The following BRD2 variants were observed in gnomAD, a reference collection of about 807,000 sequenced individuals.
The protein encoded by BRD2 is bromodomain-containing protein 2.
In BRD2, 15 loss-of-function variants were observed where a neutral mutation model predicts 79.1. The ratio of observed to expected loss-of-function variants is 0.19; its 90% CI spans 0.13 to 0.29. BRD2 has a LOEUF of 0.29. Ranked by LOEUF, BRD2 falls within the 10% of genes least tolerant of loss-of-function variation. BRD2 has a pLI of 1.00. For missense variants in BRD2, 1,053 were observed against 991.3 expected (o/e 1.06, Z -0.84); for synonymous variants, 488 against 358.6 (o/e 1.36, Z -4.08).
rs143451360 is a variant in BRD2, at chr6:32,974,547, T to C, written c.115T>C (p.Leu39=). The part of the protein sequence containing the change: ...PGKRIRKPSL[L]YEGFESPTMA... ...GAAGAGGATTCGAAAACCCTCTCTC[T>C]TGTATGAGGGCTTTGAGAGCCCCAC... Residue 39 remains leucine, a synonymous_variant, in exon 3 of 13, where the codon TTG becomes CTG. Transcript: ENST00000374825. 6.2e-7 allele frequency: 1 copy of C among 1,614,232 alleles called. No homozygotes were observed. The highest frequency in any genetic ancestry group is 1.3e-5 in the African/African-American group (1 of 75,052).
In BRD2 at chr6:32,980,158, A is replaced by T. The variant is rs561229524; in HGVS notation, c.2146+26A>T. The T allele has an allele frequency of 5.0e-6, 8 of 1,598,998 alleles. No homozygotes were observed. In the South Asian group the frequency reaches 7.8e-5, roughly 16 times the overall value. On this transcript the variant is annotated intron_variant, in intron 11 of 12. Transcript: ENST00000374825. ...GTACGTATGAAATGAGGTTCATCTCATGGTTCTGAGGACAGTTGAGGAAAG... is the reference window on the plus strand; with the variant it reads ...GTACGTATGAAATGAGGTTCATCTCTTGGTTCTGAGGACAGTTGAGGAAAG...
Position 32,976,949 on chromosome 6 carries a change from T to C in BRD2, c.1200+13T>C. ...CAGCACTGTCAAGGTACCCACTGCA[T>C]GGGGCAGATGGGATGCTCAGGCAGT... On this transcript the variant is annotated intron_variant, in intron 7 of 12. Coordinates refer to ENST00000374825, the MANE Select transcript of BRD2 (RefSeq NM_005104.4). 5 of 1,591,380 alleles carry C rather than the reference T, an allele frequency of 3.1e-6. No homozygotes were observed. The highest frequency in any genetic ancestry group is 4.3e-6 in the Non-Finnish European group (5 of 1,167,144).
At position 32,972,278 on chromosome 6, in the gene BRD2, G is replaced by C; in HGVS notation, c.-621G>C. 1 of 425,040 alleles carries C rather than the reference G, an allele frequency of 2.4e-6. No homozygotes were observed. 26.3% of individuals were successfully genotyped at this position (425,040 alleles called of 1,614,324 possible). A position where few individuals can be genotyped will look rare whatever the true frequency, so the allele number is the denominator to read the frequency against. ...CCGATACAGAGCCTTCGAGTCGTCCGGGGCCGCCATTACAATCCACCTCCA... is the reference window on the plus strand; with the variant it reads ...CCGATACAGAGCCTTCGAGTCGTCCCGGGCCGCCATTACAATCCACCTCCA... On this transcript the variant is annotated 5_prime_UTR_variant, in exon 2 of 13. Coordinates refer to ENST00000374825, the MANE Select transcript of BRD2 (RefSeq NM_005104.4).
intron 9 of BRD2, 56 bp from the exon 10 acceptor site, chr6:32,978,069 TC>T (rs1554146506): frequency 6.7e-7 from 1 of 1,493,042 alleles, no homozygotes; most frequent in Non-Finnish European, 9.1e-7. Context: ...CCTCATTTTT[TC>T]TTCTTGTTAT....
At chr6:32,974,404 A>G (rs1778438156) in intron 2 of BRD2, 58 bp from the exon 3 acceptor site, 3 of 1,532,548 alleles carry the variant, frequency 2.0e-6, no homozygotes, top group Non-Finnish European at 1.8e-6. Context: ...ACTATTGTGC[A>G]GATGCACTTT....
chr6:32,974,782 G>A lies in BRD2; in HGVS notation c.333+17G>A. 1 of 1,609,196 alleles carries A rather than the reference G, an allele frequency of 6.2e-7. No homozygotes were observed. Among genetic ancestry groups the A allele is most frequent in the Non-Finnish European group, 8.5e-7 (1 of 1,176,802 alleles). Reference sequence around the variant, plus strand: ...GGTCTACCGGTGAGTAGAGACATTGGAGCCGGGGAGGTGTGGGATGAGCAA... The same window carrying A: ...GGTCTACCGGTGAGTAGAGACATTGAAGCCGGGGAGGTGTGGGATGAGCAA... On this transcript the variant is annotated intron_variant, in intron 3 of 12. Transcript: ENST00000374825.
chr6:32,972,837 G>T lies in BRD2; in HGVS notation c.-62G>T, dbSNP rs1778199599. 1 of 1,612,770 alleles carries T rather than the reference G, an allele frequency of 6.2e-7. No homozygotes were observed. The highest frequency in any genetic ancestry group is 1.1e-5 in the South Asian group (1 of 91,080). On this transcript the variant is annotated 5_prime_UTR_variant, in exon 2 of 13. The change creates a new upstream start codon in the 5' untranslated region. Coordinates refer to ENST00000374825, the MANE Select transcript of BRD2 (RefSeq NM_005104.4). ...CGGGTTATGCTGGACCGGGCGGTGA[G>T]GGGAACCGAGGCCACCCGGACTTTC...
intron 8 of BRD2, 21 bp from the exon 9 acceptor site, chr6:32,977,736 T>A (rs1236145112): frequency 1.2e-6 from 2 of 1,612,606 alleles, no homozygotes; most frequent in South Asian, 2.2e-5. Flanking sequence ...AGCATAGTTT[T>A]GAGTTTGTGC....
Position 32,976,384 on chromosome 6 carries a change from C to T in BRD2, c.745C>T (p.Pro249Ser), listed in dbSNP as rs749619986. 20 of 1,612,908 alleles carry T rather than the reference C, an allele frequency of 1.2e-5. No homozygotes were observed. Among genetic ancestry groups the T allele is most frequent in the Non-Finnish European group, 1.6e-5 (19 of 1,180,038 alleles). Residue 249 changes from proline (P) to serine (S), a missense_variant, in exon 6 of 13, where the codon CCA becomes TCA. Around this residue, in one of 5 missense-constraint regions of BRD2, gnomAD observed 413 missense variants for 335.1 expected, o/e 1.23. Transcript: ENST00000374825. Reference sequence around the variant, plus strand: ...TCCCCACCCATCAGTCATTTCCTCTCCACTTCTCAAGTCCTTGCACTCTGC... The same window carrying T: ...TCCCCACCCATCAGTCATTTCCTCTTCACTTCTCAAGTCCTTGCACTCTGC... ...NIPHPSVISS[P>S]LLKSLHSAGP...
At chr6:32,977,632 CT>C in intron 8 of BRD2, 62 bp downstream of exon 8, 1 of 1,604,390 alleles carries the variant, frequency 6.2e-7, no homozygotes, top group Admixed American at 1.7e-5. Flanking sequence ...GTCATGTGTG[CT>C]GCATAGCCTC....
chr6:32,977,022 A>G, intron 7 of BRD2, 86 bp downstream of exon 7: 2 of 1,484,400 alleles, frequency 1.3e-6, no homozygotes, highest in Non-Finnish European at 9.0e-7. Flanking sequence ...GTGGGCACAC[A>G]GCAGTCTTTG....
chr6:32,973,401 C>T (rs573496552), intron 2 of BRD2, among the ~76,000 whole-genome samples: 5 of 152,238 alleles, frequency 3.3e-5, no homozygotes, highest in African/African-American at 9.6e-5. Flanking sequence ...GTGCAGGTTC[C>T]TAATGCCCAG....
intron 4 of BRD2, 101 bp downstream of exon 4, chr6:32,975,622 A>G: frequency 6.9e-7 from 1 of 1,457,310 alleles, no homozygotes; most frequent in Non-Finnish European, 9.4e-7. Context: ...TTTGCTACTG[A>G]AGGTGTTATC....
In BRD2 at chr6:32,976,695, G is replaced by A. The variant is rs1455597520; in HGVS notation, c.959G>A (p.Ser320Asn). ...CGGCTTCCCCCTATGCGTAGAGAGA[G>A]TGGTCGCCCCATCAAGCCCCCACGC... ...AARLPPMRRE[S>N]GRPIKPPRKD... is the part of the protein sequence containing the mutation. The change falls in exon 7 of 13, where the codon AGT becomes AAT. Residue 320 changes from serine to asparagine, a missense_variant. By Grantham distance (46) the Ser-to-Asn change is conservative. This residue lies in a region of BRD2 where 454 missense variants were observed against 430.5 expected (regional missense o/e 1.05). Coordinates refer to ENST00000374825, the MANE Select transcript of BRD2 (RefSeq NM_005104.4). 1 of 1,613,060 alleles carries A rather than the reference G, an allele frequency of 6.2e-7. No individual in the cohort carries two copies. The highest frequency in any genetic ancestry group is 8.5e-7 in the Non-Finnish European group (1 of 1,180,042).
intron 2 of BRD2, chr6:32,973,143 A>G (rs568412719): frequency 3.2e-6 from 5 of 1,548,894 alleles, no homozygotes; most frequent in African/African-American, 1.4e-5. Flanking sequence ...GTCAATTTAT[A>G]CGCTATTAAT....
In BRD2 at chr6:32,972,297, A is replaced by G. The variant is rs925592588; in HGVS notation, c.-602A>G. On this transcript the variant is annotated 5_prime_UTR_variant, in exon 2 of 13. Transcript: ENST00000374825. Reference sequence around the variant, plus strand: ...TCGTCCGGGGCCGCCATTACAATCCACCTCCATCCGCTTGGAAATGGCCTT... The same window carrying G: ...TCGTCCGGGGCCGCCATTACAATCCGCCTCCATCCGCTTGGAAATGGCCTT... 1.8e-5 allele frequency: 7 copies of G among 392,210 alleles called. No individual in the cohort carries two copies. The highest frequency in any genetic ancestry group is 1.3e-4 in the African/African-American group (6 of 47,430). 24.3% of individuals were successfully genotyped at this position (392,210 alleles called of 1,614,324 possible).
intron 7 of BRD2, 190 bp downstream of exon 7, chr6:32,977,126 G>C (rs1228426440): frequency 8.2e-7 from 1 of 1,224,408 alleles, no homozygotes. Context: ...CAGTAGGGTG[G>C]GGTTTCTTTG....
In BRD2 at chr6:32,971,240, A is replaced by G. The variant is rs1582878029; in HGVS notation, c.-1304-355A>G. 4 of 208,308 alleles carry G rather than the reference A, an allele frequency of 1.9e-5. No individual in the cohort carries two copies. In the East Asian group the frequency reaches 4.4e-4, roughly 23 times the overall value. The allele number at this position is 208,308 out of a possible 1,614,324, so 12.9% of individuals were successfully genotyped here. ...GTATAGGGTAGATGGATGCGTTTGG[A>G]GATTTTAATCCCACTTTTAGGGTTG... On this transcript the variant is annotated intron_variant, in intron 1 of 12. Coordinates refer to ENST00000374825, the MANE Select transcript of BRD2 (RefSeq NM_005104.4).
At position 32,974,736 on chromosome 6, in the gene BRD2, C is replaced by A; in HGVS notation, c.304C>A (p.Pro102Thr). Residue 102 changes from proline (P) to threonine (T), a missense_variant, in exon 3 of 13, where the codon CCT becomes ACT. By Grantham distance (38) the Pro-to-Thr change is conservative. Around this residue, in one of 5 missense-constraint regions of BRD2, gnomAD observed 413 missense variants for 335.1 expected, o/e 1.23. Transcript: ENST00000374825. ...KHQFAWPFRQ[P>T]VDAVKLGLPD... ...TCAGTTCGCATGGCCATTCCGGCAGCCTGTGGATGCTGTCAAACTGGGTCT... is the reference window on the plus strand; with the variant it reads ...TCAGTTCGCATGGCCATTCCGGCAGACTGTGGATGCTGTCAAACTGGGTCT... The A allele has an allele frequency of 6.2e-7, 1 of 1,613,976 alleles. No individual in the cohort carries two copies. The highest frequency in any genetic ancestry group is 1.3e-5 in the African/African-American group (1 of 75,044).
Sources: gnomAD v4.1 joint callset for allele counts (sites outside exome capture counted in the v4.1 genomes callset) on GRCh38, gnomAD v4.1.1 for gene constraint, gnomAD v4.1.1 regional missense constraint, MANE v1.5 for transcripts, NCBI Gene and HGNC (gene_info 2026-07-23, HGNC 2026-07-21) for gene names.